SLC35F2: variants seen among roughly 807,000 people sequenced by gnomAD.
SLC35F2 encodes the protein queuine/queuosine transporter SLC35F2.
A neutral mutation model predicts 38.1 loss-of-function variants in SLC35F2; 25 were observed. That is an observed-to-expected ratio of 0.66 (90% CI 0.48 to 0.92). The LOEUF is 0.92. Among genes scored for constraint, SLC35F2 ranks in the 40% least tolerant of loss-of-function variants. The pLI is 0.00. For missense variants in SLC35F2, 409 were observed against 452.9 expected, an observed-to-expected ratio of 0.90 and a Z score of 0.88; for synonymous variants, 173 against 181.7, an observed-to-expected ratio of 0.95 and a Z score of 0.38.
Position 107,792,590 on chromosome 11 carries a change from G to T in SLC35F2, c.*25C>A. On this transcript the variant is annotated 3_prime_UTR_variant, in exon 8 of 8. Transcript: ENST00000525815. The stretch of plus-strand genomic sequence containing the variant: ...AGCAGGCTCTGCTTTATCCTGGTGG[G>T]GGATGGGTGCGCCATCTTCTCCAGC... 6.3e-7 allele frequency: 1 copy of T among 1,578,404 alleles called. No individual in the cohort carries two copies. Among genetic ancestry groups the T allele is most frequent in the Non-Finnish European group, 8.6e-7 (1 of 1,163,764 alleles).
chr11:107,824,008 ACTGTTTT>A, intron 1 of SLC35F2: 1 of 984,796 alleles, frequency 1.0e-6, no homozygotes, highest in Non-Finnish European at 1.2e-6. Context: ...GCCAAGATGA[ACTGTTTT>A]CTTTCCATCT....
At chr11:107,836,098 G>C (rs575378240) in intron 1 of SLC35F2, among the ~76,000 whole-genome samples, 1 of 152,116 alleles carries the variant, frequency 6.6e-6, no homozygotes, top group African/African-American at 2.4e-5. Context: ...TCTAATCTGT[G>C]GTATAACCTA....
At chr11:107,843,937 A>G (rs1860062462) in intron 1 of SLC35F2, among the ~76,000 whole-genome samples, 1 of 145,070 alleles carries the variant, frequency 6.9e-6, no homozygotes, top group Non-Finnish European at 1.5e-5. Context: ...TCATGAGCCC[A>G]CAATGAGAGT....
intron 1 of SLC35F2, among the ~76,000 whole-genome samples, chr11:107,849,475 C>G (rs1860143323): frequency 6.6e-6 from 1 of 151,944 alleles, no homozygotes; most frequent in South Asian, 2.1e-4. Context: ...CCCGTCTCTA[C>G]TAAAAATGCA....
intron 1 of SLC35F2, among the ~76,000 whole-genome samples, chr11:107,824,896 T>C (rs1859729138): frequency 2.0e-5 from 3 of 152,196 alleles, no homozygotes; most frequent in Non-Finnish European, 4.4e-5. Flanking sequence ...AACATGGCTC[T>C]ATATATGCAC....
At chr11:107,810,838 C>T (rs1178857066) in intron 3 of SLC35F2, 21 of 979,530 alleles carry the variant, frequency 2.1e-5, no homozygotes, top group South Asian at 4.7e-5. Flanking sequence ...TTCAATTTTT[C>T]CAGTCCCTAA....
intron 7 of SLC35F2, among the ~76,000 whole-genome samples, chr11:107,796,072 T>A (rs1859212758): frequency 6.6e-6 from 1 of 152,114 alleles, no homozygotes; most frequent in Admixed American, 6.6e-5. Flanking sequence ...GAGGTTGCAG[T>A]GAGCCGAGAT....
intron 1 of SLC35F2, chr11:107,840,806 A>G (rs1860003521): frequency 6.6e-6 from 1 of 152,146 alleles, no homozygotes; most frequent in South Asian, 2.1e-4. Flanking sequence ...TGAGCTGGAC[A>G]CCACCAGTAC....
chr11:107,807,219 G>C (rs1435538514), intron 3 of SLC35F2, among the ~76,000 whole-genome samples: 1 of 140,140 alleles, frequency 7.1e-6, no homozygotes, highest in Admixed American at 7.6e-5. Context: ...CAGACTGCTT[G>C]AGTCCAGGAG....
intron 1 of SLC35F2, among the ~76,000 whole-genome samples, chr11:107,846,257 G>A (rs1001522447): frequency 3.3e-5 from 5 of 151,676 alleles, no homozygotes; most frequent in Admixed American, 1.3e-4. Context: ...AAAAAAGGCT[G>A]AAAAAAATCA....
At chr11:107,829,997 A>G (rs985843641) in intron 1 of SLC35F2, among the ~76,000 whole-genome samples, 1 of 152,110 alleles carries the variant, frequency 6.6e-6, no homozygotes, top group Non-Finnish European at 1.5e-5. Flanking sequence ...ATGCTGGCTC[A>G]CACTTGTAAT....
chr11:107,824,011 G>A, intron 1 of SLC35F2: 2 of 984,440 alleles, frequency 2.0e-6, no homozygotes, highest in Non-Finnish European at 2.4e-6. Flanking sequence ...AAGATGAACT[G>A]TTTTCTTTCC....
At chr11:107,847,388 ACAC>A (rs1159777141) in intron 1 of SLC35F2, among the ~76,000 whole-genome samples, 1 of 152,196 alleles carries the variant, frequency 6.6e-6, no homozygotes, top group Non-Finnish European at 1.5e-5. Context: ...AAACTTGCCT[ACAC>A]AAGCAATTTC....
intron 1 of SLC35F2, among the ~76,000 whole-genome samples, chr11:107,817,393 A>C (rs1440634255): frequency 1.3e-5 from 2 of 152,142 alleles, no homozygotes; most frequent in Non-Finnish European, 2.9e-5. Flanking sequence ...ACTAGGAAGG[A>C]AGAAACAATC....
At chr11:107,816,447 A>ATT (rs5794572) in intron 1 of SLC35F2, among the ~76,000 whole-genome samples, 34,075 of 118,174 alleles carry the variant, frequency 0.29, 5,527 homozygotes, top group Non-Finnish European at 0.34. Flanking sequence ...TGCCCAGCTA[A>ATT]TTTTTTTTTT....
intron 1 of SLC35F2, among the ~76,000 whole-genome samples, chr11:107,826,804 TG>T (rs143291829): frequency 0.012 from 1,890 of 152,286 alleles, 57 homozygotes; most frequent in African/African-American, 0.044. Flanking sequence ...TATACTAATT[TG>T]ATAGTACACT....
intron 1 of SLC35F2, among the ~76,000 whole-genome samples, chr11:107,857,282 G>GAAGGAAGGAGAGAGGGAAC (rs1860308962): frequency 1.3e-5 from 2 of 148,656 alleles, no homozygotes; most frequent in African/African-American, 2.5e-5. Context: ...AAGGAAGGAC[G>GAAGGAAGGAGAGAGGGAAC]GAAGGAAGGA....
chr11:107,842,257 C>CAAAAAAAAAAAAAAAAAAAAAAA lies in SLC35F2; in HGVS notation c.110+16378_110+16400dup, dbSNP rs541185009. Among the ~76,000 whole-genome samples, 5 of 37,902 alleles carry CAAAAAAAAAAAAAAAAAAAAAAA rather than the reference C, an allele frequency of 1.3e-4. 2 individuals carry two copies. Among genetic ancestry groups the CAAAAAAAAAAAAAAAAAAAAAAA allele is most frequent in the African/African-American group, 6.0e-4 (5 of 8,276 alleles). 24.9% of individuals were successfully genotyped at this position (37,902 alleles called of 152,430 possible). ...GGCGACAGAGTGAGACTCCGTCTCA[C>CAAAAAAAAAAAAAAAAAAAAAAA]AAAAAAAAAAAAAAAAAAAAAAAAA... On this transcript the variant is annotated intron_variant, in intron 1 of 7. Coordinates refer to ENST00000525815, the MANE Select transcript of SLC35F2 (RefSeq NM_017515.5).
chr11:107,833,518 C>CAAAAAAAAAAAAAAAAAAAAAAAAAAA (rs34376803), intron 1 of SLC35F2, among the ~76,000 whole-genome samples: 4 of 89,566 alleles, frequency 4.5e-5, no homozygotes, highest in African/African-American at 1.5e-4. Flanking sequence ...GACTCTGTCT[C>CAAAAAAAAAAAAAAAAAAAAAAAAAAA]AAAAAAAAAA....
Sources: allele counts gnomAD v4.1 joint callset (sites outside exome capture counted in the v4.1 genomes callset), GRCh38; gene constraint gnomAD v4.1.1; transcripts MANE v1.5; gene names NCBI Gene and HGNC (gene_info 2026-07-23, HGNC 2026-07-21).